PTPRD: variants seen among roughly 807,000 people sequenced by gnomAD.
PTPRD encodes protein tyrosine phosphatase receptor type D.
In PTPRD, 34 loss-of-function variants were observed where a neutral mutation model predicts 214.5. The ratio of observed to expected loss-of-function variants is 0.16; its 90% confidence interval spans 0.12 to 0.21. PTPRD has a LOEUF of 0.21. Among genes scored for constraint, PTPRD ranks in the 10% least tolerant of loss-of-function variants. The pLI, the probability that PTPRD is intolerant of heterozygous loss-of-function variation, is 1.00. For missense variants in PTPRD, 2,545 were observed against 2,398.7 expected (o/e 1.06, Z -1.27); for synonymous variants, 1,128 against 845.7 (o/e 1.33, Z -5.79).
intron 14 of PTPRD, among the ~76,000 whole-genome samples, chr9:8,538,703 A>G (rs1180402644): frequency 4.0e-5 from 6 of 151,720 alleles, no homozygotes; most frequent in African/African-American, 1.5e-4. Context: ...CTTGTAAATG[A>G]GTATGCATGC....
intron 9 of PTPRD, among the ~76,000 whole-genome samples, chr9:9,200,004 C>G (rs540395620): frequency 3.8e-4 from 58 of 152,178 alleles, no homozygotes; most frequent in Admixed American, 3.4e-3. Flanking sequence ...TGTTATTGGT[C>G]CAGTGGTGGC....
At position 9,467,225 on chromosome 9, in the gene PTPRD, T is replaced by TC. The variant is rs2094233474; in HGVS notation, c.-236-69744_-236-69743insG. ...ATGGTTCATTTATCTTTTTTTTTTT[T>TC]TTTTTTTTTTTTAACCTAATGCTTC... On this transcript the variant is annotated intron_variant, in intron 8 of 45. Coordinates refer to ENST00000381196, the MANE Select transcript of PTPRD (RefSeq NM_002839.4). Among the ~76,000 whole-genome samples, 8 of 149,280 alleles carry TC rather than the reference T, an allele frequency of 5.4e-5. 1 individual carries two copies. In the South Asian group the frequency reaches 1.7e-3, roughly 32 times the overall value.
At chr9:10,344,760 A>G (rs1028633064) in intron 2 of PTPRD, among the ~76,000 whole-genome samples, 2 of 151,986 alleles carry the variant, frequency 1.3e-5, no homozygotes, top group Admixed American at 6.6e-5. Context: ...TAAGTTGGAT[A>G]CCTAGGTATT....
intron 11 of PTPRD, among the ~76,000 whole-genome samples, chr9:8,888,413 A>C (rs1044908163): frequency 1.3e-5 from 2 of 152,196 alleles, no homozygotes; most frequent in Non-Finnish European, 2.9e-5. Context: ...CACTAAATTC[A>C]AGGTAGATAT....
At chr9:9,138,821 A>G (rs2099855204) in intron 10 of PTPRD, among the ~76,000 whole-genome samples, 1 of 152,178 alleles carries the variant, frequency 6.6e-6, no homozygotes, top group African/African-American at 2.4e-5. Flanking sequence ...TATTTAAAAA[A>G]TGAACAAATT....
chr9:8,706,948 A>G (rs2098223140), intron 12 of PTPRD, among the ~76,000 whole-genome samples: 1 of 152,214 alleles, frequency 6.6e-6, no homozygotes, highest in South Asian at 2.1e-4. Flanking sequence ...AGGCGAATGA[A>G]GAACTGAAAT....
intron 10 of PTPRD, among the ~76,000 whole-genome samples, chr9:9,057,453 C>T (rs968518728): frequency 3.9e-5 from 6 of 152,036 alleles, no homozygotes; most frequent in African/African-American, 1.4e-4. Context: ...ATGGATTTTA[C>T]TTTGAAAACT....
At chr9:9,625,507 C>T (rs1298908405) in intron 7 of PTPRD, among the ~76,000 whole-genome samples, 4 of 151,988 alleles carry the variant, frequency 2.6e-5, no homozygotes, top group South Asian at 2.1e-4. Flanking sequence ...CCAACAGCTT[C>T]TCTGAATTAC....
intron 9 of PTPRD, among the ~76,000 whole-genome samples, chr9:9,270,793 G>C (rs1330226175): frequency 6.6e-6 from 1 of 151,320 alleles, no homozygotes; most frequent in East Asian, 2.0e-4. Flanking sequence ...GGTCTAGCTA[G>C]GCAGCAGAAA....
At chr9:8,989,365 G>A (rs780450827) in intron 11 of PTPRD, among the ~76,000 whole-genome samples, 1 of 151,622 alleles carries the variant, frequency 6.6e-6, no homozygotes, top group Non-Finnish European at 1.5e-5. Context: ...TCCTCCTTCC[G>A]CTTTTGCTTC....
chr9:8,647,240 TTG>T (rs1346391006), intron 12 of PTPRD, among the ~76,000 whole-genome samples: 4 of 152,322 alleles, frequency 2.6e-5, no homozygotes, highest in Non-Finnish European at 2.9e-5. Context: ...CTACCACCTT[TTG>T]TGTTTTTAAT....
chr9:8,419,702 T>G (rs1438501953), intron 35 of PTPRD, among the ~76,000 whole-genome samples: 1 of 151,990 alleles, frequency 6.6e-6, no homozygotes, highest in African/African-American at 2.4e-5. Context: ...TGGATGAAAT[T>G]ATAAAACAAA....
At chr9:8,770,635 T>C (rs1048047579) in intron 11 of PTPRD, among the ~76,000 whole-genome samples, 2 of 152,154 alleles carry the variant, frequency 1.3e-5, no homozygotes, top group Admixed American at 6.5e-5. Context: ...CAAAAACAGA[T>C]CTACTTGATA....
intron 9 of PTPRD, among the ~76,000 whole-genome samples, chr9:9,298,381 T>G (rs557177751): frequency 7.4e-4 from 112 of 151,848 alleles, no homozygotes; most frequent in African/African-American, 2.6e-3. Flanking sequence ...AATCTTTGAT[T>G]CATAACCTTT....
At chr9:10,445,987 A>G (rs1169002764) in intron 2 of PTPRD, among the ~76,000 whole-genome samples, 1 of 152,062 alleles carries the variant, frequency 6.6e-6, no homozygotes, top group Non-Finnish European at 1.5e-5. Flanking sequence ...CAGAAGTGAA[A>G]AGGGCCCAGT....
chr9:9,248,681 A>G (rs1485695095), intron 9 of PTPRD, among the ~76,000 whole-genome samples: 1 of 152,116 alleles, frequency 6.6e-6, no homozygotes, highest in African/African-American at 2.4e-5. Flanking sequence ...CATACAGTCT[A>G]GCTAAGGGAA....
At chr9:9,758,928 C>T (rs972740834) in intron 6 of PTPRD, among the ~76,000 whole-genome samples, 1 of 151,986 alleles carries the variant, frequency 6.6e-6, no homozygotes, top group Non-Finnish European at 1.5e-5. Flanking sequence ...GACTGAAAAG[C>T]TATAGAATTG....
At chr9:9,448,928 G>A (rs1179065805) in intron 8 of PTPRD, among the ~76,000 whole-genome samples, 1 of 152,028 alleles carries the variant, frequency 6.6e-6, no homozygotes, top group African/African-American at 2.4e-5. Context: ...AAAAGAGAAT[G>A]TTGTATCTAA....
At chr9:8,759,954 C>T (rs185842897) in intron 11 of PTPRD, among the ~76,000 whole-genome samples, 2 of 152,298 alleles carry the variant, frequency 1.3e-5, no homozygotes, top group Admixed American at 1.3e-4. Flanking sequence ...TTGAAAGATT[C>T]CATGACAAAG....
Sources: allele counts gnomAD v4.1 joint callset (sites outside exome capture counted in the v4.1 genomes callset), GRCh38; gene constraint gnomAD v4.1.1; transcripts MANE v1.5; gene names NCBI Gene and HGNC (gene_info 2026-07-23, HGNC 2026-07-21).